Variants in PIK3C2G observed in about 807,000 individuals in gnomAD.
PIK3C2G encodes phosphatidylinositol-4-phosphate 3-kinase catalytic subunit type 2 gamma.
Under a neutral mutation model 181.1 loss-of-function variants are expected in PIK3C2G, and 168 were observed. The ratio of observed to expected loss-of-function variants is 0.93; its 90% CI spans 0.82 to 1.05. PIK3C2G has a LOEUF of 1.05. Among genes scored for constraint, PIK3C2G ranks in the 50% least tolerant of loss-of-function variants. The pLI is 0.00. For synonymous variants in PIK3C2G, 573 were observed against 592.2 expected (o/e 0.97, Z 0.47); for missense variants, 1,869 against 1,732.8 (o/e 1.08, Z -1.40).
intron 31 of PIK3C2G, among the ~76,000 whole-genome samples, chr12:18,631,450 T>C (rs1297245793): frequency 3.3e-5 from 5 of 152,210 alleles, no homozygotes; most frequent in Non-Finnish European, 7.3e-5. Flanking sequence ...GAAAAGGCTC[T>C]ATACAAATGG....
intron 1 of PIK3C2G, among the ~76,000 whole-genome samples, chr12:18,254,351 A>T (rs1417928603): frequency 6.6e-6 from 1 of 151,996 alleles, no homozygotes; most frequent in Non-Finnish European, 1.5e-5. Context: ...CCATGTGGAG[A>T]GCTGTAGGAA....
intron 14 of PIK3C2G, among the ~76,000 whole-genome samples, chr12:18,385,929 C>T (rs1408730354): frequency 6.6e-6 from 1 of 152,152 alleles, no homozygotes; most frequent in Non-Finnish European, 1.5e-5. Context: ...TAGGTACCTG[C>T]TAGTTCCTAG....
intron 28 of PIK3C2G, among the ~76,000 whole-genome samples, chr12:18,565,448 T>G (rs1309937096): frequency 6.6e-6 from 1 of 152,184 alleles, no homozygotes; most frequent in Non-Finnish European, 1.5e-5. Context: ...TTTGGTACAC[T>G]GATCAGGCTA....
At chr12:18,346,315 A>G (rs1233378400) in intron 10 of PIK3C2G, among the ~76,000 whole-genome samples, 3 of 152,198 alleles carry the variant, frequency 2.0e-5, no homozygotes, top group African/African-American at 7.2e-5. Context: ...ATTTTAAACA[A>G]TCACAAATCA....
intron 18 of PIK3C2G, among the ~76,000 whole-genome samples, chr12:18,474,560 C>A (rs1938786299): frequency 6.6e-6 from 1 of 152,018 alleles, no homozygotes; most frequent in African/African-American, 2.4e-5. Context: ...AATAAAAAAT[C>A]ATTACAAAGT....
intron 12 of PIK3C2G, among the ~76,000 whole-genome samples, chr12:18,368,639 T>C (rs1416983589): frequency 6.6e-6 from 1 of 152,238 alleles, no homozygotes. Context: ...TAATTCTTTA[T>C]TGTCTTATTC....
intron 18 of PIK3C2G, among the ~76,000 whole-genome samples, chr12:18,441,407 T>C (rs2135826087): frequency 6.6e-6 from 1 of 152,182 alleles, no homozygotes; most frequent in African/African-American, 2.4e-5. Flanking sequence ...TTCTTTGCTT[T>C]TACAATAGGA....
At chr12:18,649,722 G>A (rs1278300035), downstream of PIK3C2G, among the ~76,000 whole-genome samples, 1 of 152,006 alleles carries the variant, frequency 6.6e-6, no homozygotes. Context: ...TAAATCCAAA[G>A]GTTATTTTTC....
chr12:18,270,092 TAAAGA>T (rs1948684464), intron 1 of PIK3C2G, among the ~76,000 whole-genome samples: 1 of 151,808 alleles, frequency 6.6e-6, no homozygotes, highest in Admixed American at 6.6e-5. Flanking sequence ...GTATTTTTAG[TAAAGA>T]CAGGGTTTCA....
chr12:18,469,116 A>G (rs1308491429), intron 18 of PIK3C2G, among the ~76,000 whole-genome samples: 1 of 152,106 alleles, frequency 6.6e-6, no homozygotes, highest in Non-Finnish European at 1.5e-5. Context: ...AATTAGACAA[A>G]GCCATTGTAT....
intron 31 of PIK3C2G, among the ~76,000 whole-genome samples, chr12:18,624,143 A>T (rs973373713): frequency 4.6e-5 from 7 of 151,622 alleles, no homozygotes; most frequent in African/African-American, 1.7e-4. Flanking sequence ...CATTTTCCCC[A>T]TTGAGTATGA....
chr12:18,286,536 A>T (rs191830868), intron 2 of PIK3C2G, among the ~76,000 whole-genome samples: 2 of 152,234 alleles, frequency 1.3e-5, no homozygotes, highest in East Asian at 3.9e-4. Flanking sequence ...TATAAATCTA[A>T]ATAACAGTAG....
chr12:18,333,720 G>A (rs915948657), intron 8 of PIK3C2G, among the ~76,000 whole-genome samples: 1 of 152,178 alleles, frequency 6.6e-6, no homozygotes, highest in Non-Finnish European at 1.5e-5. Flanking sequence ...AACCTGGAAT[G>A]AACGGCATTC....
intron 5 of PIK3C2G, among the ~76,000 whole-genome samples, chr12:18,310,225 C>G (rs1950583658): frequency 6.6e-6 from 1 of 151,726 alleles, no homozygotes; most frequent in Non-Finnish European, 1.5e-5. Context: ...GTACAATAGG[C>G]AATTAAAGAT....
At chr12:18,289,163 C>A (rs576111729) in intron 3 of PIK3C2G, among the ~76,000 whole-genome samples, 2 of 152,218 alleles carry the variant, frequency 1.3e-5, no homozygotes, top group South Asian at 2.1e-4. Context: ...ATGTGGCAAG[C>A]ACCCTTAATT....
At chr12:18,482,506 G>A (rs1229686976) in intron 18 of PIK3C2G, among the ~76,000 whole-genome samples, 2 of 152,042 alleles carry the variant, frequency 1.3e-5, no homozygotes, top group Non-Finnish European at 2.9e-5. Context: ...TAAAAAGAGT[G>A]GAGCACATAT....
intron 18 of PIK3C2G, among the ~76,000 whole-genome samples, chr12:18,452,088 A>C (rs1947395382): frequency 6.6e-6 from 1 of 152,206 alleles, no homozygotes; most frequent in Non-Finnish European, 1.5e-5. Context: ...GGCCTCATAA[A>C]ATGAGTTAGG....
At chr12:18,413,669 T>C (rs1592197369) in intron 16 of PIK3C2G, among the ~76,000 whole-genome samples, 2 of 152,126 alleles carry the variant, frequency 1.3e-5, no homozygotes, top group East Asian at 1.9e-4. Context: ...TTAAGTCCCA[T>C]ACTCAAAGTG....
At chr12:18,523,647 A>G (rs1943051168) in intron 24 of PIK3C2G, among the ~76,000 whole-genome samples, 1 of 152,220 alleles carries the variant, frequency 6.6e-6, no homozygotes, top group Non-Finnish European at 1.5e-5. Flanking sequence ...GTTGCCTTCA[A>G]GTCTGGGAAA....
Sources: allele counts gnomAD v4.1 joint callset (sites outside exome capture counted in the v4.1 genomes callset), GRCh38; gene constraint gnomAD v4.1.1; transcripts MANE v1.5; gene names NCBI Gene and HGNC (gene_info 2026-07-23, HGNC 2026-07-21).